CPSF4: variants seen among roughly 807,000 people sequenced by gnomAD.
The protein encoded by CPSF4 is cleavage and polyadenylation specificity factor subunit 4.
A neutral mutation model predicts 37.7 loss-of-function variants in CPSF4; 11 were observed. The ratio of observed to expected loss-of-function variants is 0.29; its 90% confidence interval spans 0.18 to 0.48. The LOEUF is 0.48. CPSF4 is among the 20% of genes least tolerant of loss of function. CPSF4 has a pLI of 0.99. For synonymous variants in CPSF4, 132 were observed against 135.9 expected, an observed-to-expected ratio of 0.97 and a Z score of 0.20; for missense variants, 144 against 359.5, an observed-to-expected ratio of 0.40 and a Z score of 4.85.
rs45513893 is a variant in CPSF4, at chr7:99,454,927, C to T, written c.741+791C>T. ...AAAACAGGCTGGGTGTGGTGGTGCA[C>T]GCCTGTAGTCCCAGCTACTGGGGAG... is the stretch of plus-strand genomic sequence containing the variant. On this transcript the variant is annotated intron_variant, in intron 7 of 7. Coordinates refer to ENST00000292476, the MANE Select transcript of CPSF4 (RefSeq NM_006693.4). Among the ~76,000 whole-genome samples, 846 of 152,176 alleles carry T rather than the reference C, an allele frequency of 5.6e-3. 6 individuals are homozygous for T. The highest frequency in any genetic ancestry group is 0.02 in the African/African-American group (813 of 41,510).
intron 1 of CPSF4, among the ~76,000 whole-genome samples, chr7:99,439,750 C>A (rs909707868): frequency 3.3e-5 from 5 of 152,168 alleles, no homozygotes; most frequent in African/African-American, 1.2e-4. Flanking sequence ...TTGATTTCAT[C>A]AAAACTAGGC....
chr7:99,439,398 C>T (rs1401918869), intron 1 of CPSF4: 3 of 489,200 alleles, frequency 6.1e-6, no homozygotes, highest in Middle Eastern at 5.4e-4. Flanking sequence ...CTTTAGTTAC[C>T]GAACTCCCTC....
intron 1 of CPSF4, among the ~76,000 whole-genome samples, chr7:99,440,715 C>A (rs1796899897): frequency 8.2e-6 from 1 of 121,348 alleles, no homozygotes; most frequent in Non-Finnish European, 1.6e-5. Flanking sequence ...CACAACTTTA[C>A]ATGGTGATAG....
chr7:99,442,778 C>T lies in CPSF4; in HGVS notation c.104-2011C>T. 4.5e-6 allele frequency: 3 copies of T among 671,050 alleles called. No homozygotes were observed. The South Asian group carries it at 5.0e-5, about 11-fold the overall frequency. The allele number at this position is 671,050 out of a possible 1,614,324, so 41.6% of individuals were successfully genotyped here. On this transcript the variant is annotated intron_variant, in intron 1 of 7. Transcript: ENST00000292476. Reference sequence around the variant, plus strand: ...GCAGTTCACAGTTTTACCTGGGGTACCTGCTCCCTCATTGCAAGGCAAGAC... The same window carrying T: ...GCAGTTCACAGTTTTACCTGGGGTATCTGCTCCCTCATTGCAAGGCAAGAC...
chr7:99,441,697 T>C (rs1347947699), intron 1 of CPSF4, among the ~76,000 whole-genome samples: 3 of 151,840 alleles, frequency 2.0e-5, no homozygotes, highest in East Asian at 3.9e-4. Flanking sequence ...AGAATTTTTT[T>C]TTTCTTTTTT....
At position 99,456,912 on chromosome 7, in the gene CPSF4, C is replaced by T. The variant is rs1798352328; in HGVS notation, c.*412C>T. On this transcript the variant is annotated 3_prime_UTR_variant, in exon 8 of 8. Transcript: ENST00000292476. The stretch of plus-strand genomic sequence containing the variant: ...CATTCAAAGCTGTGGCCAGCTCACG[C>T]CTGCTTCCTCCCTCCCTGCCCTGCT... The T allele has an allele frequency of 2.9e-6, 1 of 349,934 alleles. No homozygotes were observed. The highest frequency in any genetic ancestry group is 2.1e-5 in the African/African-American group (1 of 46,852). 21.7% of individuals were successfully genotyped at this position (349,934 alleles called of 1,614,324 possible).
In CPSF4 at chr7:99,451,871, C is replaced by T. The variant is rs45606735; in HGVS notation, c.498-497C>T. 8.4e-3 allele frequency among the ~76,000 whole-genome samples: 1,284 copies of T among 152,340 alleles called. 16 individuals are homozygous for T. The highest frequency in any genetic ancestry group is 0.03 in the African/African-American group (1,248 of 41,578). ...CTCCAGGTCTGTGGGAACCCTGGTC[C>T]CTGCTTCTCACTGCAGGGAAGTGGC... On this transcript the variant is annotated intron_variant, in intron 5 of 7. Coordinates refer to ENST00000292476, the MANE Select transcript of CPSF4 (RefSeq NM_006693.4).
intron 1 of CPSF4, chr7:99,443,306 G>T (rs547107747): frequency 2.2e-5 from 19 of 859,032 alleles, no homozygotes; most frequent in African/African-American, 3.3e-5. Flanking sequence ...TTGACAAGGG[G>T]TTTTTTTCTT....
intron 4 of CPSF4, 118 bp downstream of exon 4, chr7:99,450,489 A>T: frequency 2.5e-6 from 2 of 784,968 alleles, no homozygotes; most frequent in South Asian, 3.3e-5. Flanking sequence ...TTCTGCAGCT[A>T]GCGGCTTTCT....
chr7:99,445,896 CAAAA>C (rs1309384239), intron 2 of CPSF4, among the ~76,000 whole-genome samples: 1 of 143,992 alleles, frequency 6.9e-6, no homozygotes, highest in Admixed American at 6.9e-5. Context: ...CAAAACAAAA[CAAAA>C]AAAAAAGAAA....
chr7:99,449,833 T>C (rs895607343), intron 3 of CPSF4, among the ~76,000 whole-genome samples: 5 of 152,040 alleles, frequency 3.3e-5, no homozygotes, highest in Non-Finnish European at 7.4e-5. Flanking sequence ...GGGGGACCCA[T>C]GTGGCTGGGG....
intron 1 of CPSF4, among the ~76,000 whole-genome samples, chr7:99,444,182 A>G (rs1020789348): frequency 3.9e-5 from 6 of 152,074 alleles, no homozygotes; most frequent in Middle Eastern, 3.4e-3. Flanking sequence ...TGTGTCAGGC[A>G]CTTTGGCTCA....
chr7:99,452,653 C>G (rs1798017203), intron 6 of CPSF4: 1 of 563,606 alleles, frequency 1.8e-6, no homozygotes, highest in African/African-American at 1.9e-5. Flanking sequence ...TCAGCAAGGC[C>G]AAGCGCAGCA....
chr7:99,443,905 C>T (rs45568841), intron 1 of CPSF4, among the ~76,000 whole-genome samples: 2 of 151,858 alleles, frequency 1.3e-5, no homozygotes, highest in Non-Finnish European at 2.9e-5. Flanking sequence ...GGCGACAGAG[C>T]GAGACTCTGT....
chr7:99,450,382 G>C lies in CPSF4; in HGVS notation c.403+11G>C. Reference sequence around the variant, plus strand: ...GCTTCTGCAAGCACGGTAGGTGCCAGGGTGGGCTGGGCCCCGGGCAAGAAG... The same window carrying C: ...GCTTCTGCAAGCACGGTAGGTGCCACGGTGGGCTGGGCCCCGGGCAAGAAG... On this transcript the variant is annotated intron_variant, in intron 4 of 7. Transcript: ENST00000292476. The C allele has an allele frequency of 6.3e-7, 1 of 1,593,296 alleles. No homozygotes were observed. The highest frequency in any genetic ancestry group is 8.6e-7 in the Non-Finnish European group (1 of 1,162,682).
At chr7:99,454,676 G>A (rs1275527466) in intron 7 of CPSF4, among the ~76,000 whole-genome samples, 1 of 152,166 alleles carries the variant, frequency 6.6e-6, no homozygotes. Context: ...ATAGTTTGAC[G>A]TTATTAATGG....
chr7:99,440,674 A>ATATATATATATAT, intron 1 of CPSF4, among the ~76,000 whole-genome samples: 11 of 88,088 alleles, frequency 1.2e-4, no homozygotes, highest in African/African-American at 7.8e-4. Context: ...ATATATATAT[A>ATATATATATATAT]TTTTTTTTTT....
rs1797686602 is a variant in CPSF4, at chr7:99,448,352, GTC to G, written c.307+83_307+84del. 4 of 1,436,242 alleles carry G rather than the reference GTC, an allele frequency of 2.8e-6. No homozygotes were observed. Among genetic ancestry groups the G allele is most frequent in the Non-Finnish European group, 3.8e-6 (4 of 1,058,830 alleles). The allele number at this position is 1,436,242 out of a possible 1,614,324, so 89.0% of individuals were successfully genotyped here. ...CCGCTGGCTGCTCAGTGCCCACACT[GTC>G]TCTGCCTGCTTTTCCCATCTTTCTA... is the stretch of plus-strand genomic sequence containing the variant. On this transcript the variant is annotated intron_variant, in intron 3 of 7. Coordinates refer to ENST00000292476, the MANE Select transcript of CPSF4 (RefSeq NM_006693.4). This position sits in a 1 kb window ranked among gnomAD's most constrained non-coding sequence, Gnocchi z 4.4.
chr7:99,450,820 C>G (rs199773463), intron 5 of CPSF4, 25 bp downstream of exon 5: 18 of 1,556,872 alleles, frequency 1.2e-5, no homozygotes, highest in Non-Finnish European at 1.5e-5. Flanking sequence ...GCTCCGCCCT[C>G]TACCCCAGCT....
Sources: allele counts gnomAD v4.1 joint callset (sites outside exome capture counted in the v4.1 genomes callset), GRCh38; gene constraint gnomAD v4.1.1; non-coding constraint Gnocchi (gnomAD v3.1); transcripts MANE v1.5; gene names NCBI Gene and HGNC (gene_info 2026-07-23, HGNC 2026-07-21).